POLR3B: variants seen among roughly 807,000 people sequenced by gnomAD.
POLR3B encodes RNA polymerase III subunit B.
Under a neutral mutation model 147.4 loss-of-function variants are expected in POLR3B, and 96 were observed. The ratio of observed to expected loss-of-function variants is 0.65; its 90% CI spans 0.55 to 0.77. The LOEUF (loss-of-function observed/expected upper bound fraction) is 0.77. Ranked by LOEUF, POLR3B falls within the 30% of genes least tolerant of loss-of-function variation. The pLI is 0.00. For synonymous variants in POLR3B, 461 were observed against 485.9 expected, an observed-to-expected ratio of 0.95 and a Z score of 0.67; for missense variants, 1,036 against 1,413.5, an observed-to-expected ratio of 0.73 and a Z score of 4.28.
chr12:106,381,237 A>C (rs1387724085), intron 9 of POLR3B, among the ~76,000 whole-genome samples: 1 of 152,214 alleles, frequency 6.6e-6, no homozygotes, highest in Non-Finnish European at 1.5e-5. Flanking sequence ...TTCCTTCATG[A>C]AAGATTTCTC....
At chr12:106,358,049 T>C (rs543823898) in intron 1 of POLR3B, 98 bp downstream of exon 1, 13 of 1,562,122 alleles carry the variant, frequency 8.3e-6, no homozygotes, top group Non-Finnish European at 1.1e-5. Flanking sequence ...GGCTGGCGGT[T>C]TGTGCGCATG....
chr12:106,403,769 A>G (rs1025088321), intron 10 of POLR3B, among the ~76,000 whole-genome samples: 3 of 128,258 alleles, frequency 2.3e-5, no homozygotes, highest in Admixed American at 9.9e-5. Flanking sequence ...ATGAGAACAC[A>G]TGGACACGGG....
intron 9 of POLR3B, among the ~76,000 whole-genome samples, chr12:106,384,038 A>G (rs536604055): frequency 1.3e-5 from 2 of 152,254 alleles, no homozygotes; most frequent in Non-Finnish European, 2.9e-5. Context: ...CATAACAGTG[A>G]AAAAGTTTGA....
At chr12:106,400,641 G>C (rs1474576568) in intron 10 of POLR3B, among the ~76,000 whole-genome samples, 6 of 152,020 alleles carry the variant, frequency 3.9e-5, no homozygotes, top group African/African-American at 7.2e-5. Context: ...GACCACAGTG[G>C]AATCAAACTA....
intron 12 of POLR3B, among the ~76,000 whole-genome samples, chr12:106,418,383 T>C (rs1186436536): frequency 6.6e-6 from 1 of 152,210 alleles, no homozygotes; most frequent in Non-Finnish European, 1.5e-5. Context: ...CCGTCTTGAC[T>C]TCAGAGATTG....
chr12:106,500,301 AC>A (rs1434535793), intron 25 of POLR3B: 1 of 379,884 alleles, frequency 2.6e-6, no homozygotes, highest in Admixed American at 3.4e-5. Context: ...TTATATATTC[AC>A]CCTCTTCTTA....
chr12:106,478,080 T>C (rs1415780406), intron 23 of POLR3B, among the ~76,000 whole-genome samples: 1 of 151,736 alleles, frequency 6.6e-6, no homozygotes, highest in African/African-American at 2.4e-5. Context: ...TAATTTTTAG[T>C]ATTCTTAGTA....
intron 23 of POLR3B, among the ~76,000 whole-genome samples, chr12:106,469,705 A>G (rs191766332): frequency 3.0e-4 from 46 of 152,284 alleles, no homozygotes; most frequent in Non-Finnish European, 2.2e-4. Flanking sequence ...TCCTTCACTT[A>G]TGAAGCTTAG....
intron 25 of POLR3B, among the ~76,000 whole-genome samples, chr12:106,500,612 T>A (rs2038583007): frequency 6.6e-6 from 1 of 152,102 alleles, no homozygotes; most frequent in Admixed American, 6.6e-5. Flanking sequence ...TCAGTGAAAG[T>A]CTCTCTGAGC....
chr12:106,507,809 T>C (rs1210184426), intron 27 of POLR3B: 1 of 455,910 alleles, frequency 2.2e-6, no homozygotes, highest in Non-Finnish European at 4.4e-6. Flanking sequence ...TGCTTTTCTT[T>C]TCTAAAATAA....
intron 10 of POLR3B, among the ~76,000 whole-genome samples, chr12:106,399,068 G>A (rs2136923491): frequency 6.6e-6 from 1 of 152,156 alleles, no homozygotes; most frequent in East Asian, 1.9e-4. Context: ...CAATGGCAAA[G>A]AAGTTAAAAA....
At chr12:106,465,715 T>G (rs928023058) in intron 23 of POLR3B, among the ~76,000 whole-genome samples, 2 of 152,182 alleles carry the variant, frequency 1.3e-5, no homozygotes, top group African/African-American at 2.4e-5. Context: ...ATGCAGTGTT[T>G]GGTTTTCTGA....
chr12:106,444,419 T>A, intron 18 of POLR3B, 44 bp from the exon 19 acceptor site: 1 of 1,606,280 alleles, frequency 6.2e-7, no homozygotes, highest in Non-Finnish European at 8.5e-7. Context: ...CATTTATTTT[T>A]GTACTTGATG....
intron 6 of POLR3B, among the ~76,000 whole-genome samples, chr12:106,374,400 G>C (rs1396345269): frequency 6.6e-6 from 1 of 152,064 alleles, no homozygotes; most frequent in African/African-American, 2.4e-5. Context: ...ATTTTTTGTA[G>C]AGACGGGGTT....
Position 106,509,543 on chromosome 12 carries a change from T to C in POLR3B, c.3396T>C (p.Asn1132=), listed in dbSNP as rs13561. 464,981 of 1,608,434 alleles carry C rather than the reference T, an allele frequency of 0.29. 74,246 individuals carry two copies. Among genetic ancestry groups the C allele is most frequent in the East Asian group, 0.67 (30,122 of 44,802 alleles). The change falls in exon 28 of 28, where the codon AAT becomes AAC. Residue 1132 remains asparagine, a synonymous_variant. Transcript: ENST00000228347. Reference sequence around the variant, plus strand: ...CCAGGTTAAAACTGTCCAAGTACAATGAATGAGGATGGAAAAAATGATTAT... The same window carrying C: ...CCAGGTTAAAACTGTCCAAGTACAACGAATGAGGATGGAAAAAATGATTAT... ...IIPRLKLSKY[N]E
chr12:106,497,053 G>A lies in POLR3B; in HGVS notation c.2984+135G>A, dbSNP rs548719541. Reference sequence around the variant, plus strand: ...AGCCCGTGGGCGGCATGTGGCCCAGGACGGCTTCGAATGCGGTCTGACACA... The same window carrying A: ...AGCCCGTGGGCGGCATGTGGCCCAGAACGGCTTCGAATGCGGTCTGACACA... On this transcript the variant is annotated intron_variant, in intron 25 of 27. Coordinates refer to ENST00000228347, the MANE Select transcript of POLR3B (RefSeq NM_018082.6). 528 of 816,406 alleles carry A rather than the reference G, an allele frequency of 6.5e-4. 1 individual carries two copies. Among genetic ancestry groups the A allele is most frequent in the Non-Finnish European group, 1.0e-3 (491 of 486,194 alleles). The allele number at this position is 816,406 out of a possible 1,614,324, so 50.6% of individuals were successfully genotyped here. A position where few individuals can be genotyped will look rare whatever the true frequency, so the allele number is the denominator to read the frequency against.
rs955984558 is a variant in POLR3B at position 106,459,389 on chromosome 12, G to T, written c.2570+21G>T. ...ATAACGTATGTATTGGTTGTGCCCT[G>T]GTAATATGTAGAAAGGTTAGAAAAA... is the stretch of plus-strand genomic sequence containing the variant. On this transcript the variant is annotated intron_variant, in intron 22 of 27. Coordinates refer to ENST00000228347, the MANE Select transcript of POLR3B (RefSeq NM_018082.6). 4.1e-6 allele frequency: 5 copies of T among 1,206,648 alleles called. No homozygotes were observed. The Admixed American group carries it at 5.0e-5, about 12-fold the overall frequency. The allele number at this position is 1,206,648 out of a possible 1,614,324, so 74.7% of individuals were successfully genotyped here.
At chr12:106,456,142 T>A (rs903988429) in intron 20 of POLR3B, among the ~76,000 whole-genome samples, 3 of 152,144 alleles carry the variant, frequency 2.0e-5, no homozygotes, top group African/African-American at 7.2e-5. Context: ...TTAAAATAAC[T>A]GCTTGGCCAA....
intron 11 of POLR3B, chr12:106,410,557 T>C: frequency 6.7e-6 from 3 of 449,536 alleles, no homozygotes; most frequent in Non-Finnish European, 1.2e-5. Flanking sequence ...CCACCTTTAA[T>C]GAAGGAATGG....
Sources: gnomAD v4.1 joint callset for allele counts (sites outside exome capture counted in the v4.1 genomes callset) on GRCh38, gnomAD v4.1.1 for gene constraint, MANE v1.5 for transcripts, NCBI Gene and HGNC (gene_info 2026-07-23, HGNC 2026-07-21) for gene names.